Variants in R3HDM1 observed in about 807,000 individuals in gnomAD.
R3HDM1 encodes the protein R3H domain containing 1, also known as R3H domain-containing protein 1.
R3HDM1 carries 46 observed loss-of-function variants against 141.1 expected under a neutral mutation model. The ratio of observed to expected loss-of-function variants is 0.33; its 90% CI spans 0.26 to 0.42. R3HDM1 has a LOEUF of 0.42. R3HDM1 is among the 10% of genes least tolerant of loss of function. R3HDM1 has a pLI of 1.00. For missense variants in R3HDM1, 1,184 were observed against 1,368.3 expected (o/e 0.87, Z 2.12); for synonymous variants, 435 against 472.9 (o/e 0.92, Z 1.04).
intron 1 of R3HDM1, among the ~76,000 whole-genome samples, chr2:135,563,188 A>G (rs528279811): frequency 6.6e-6 from 1 of 152,342 alleles, no homozygotes; most frequent in South Asian, 2.1e-4. Flanking sequence ...AATCCTTAGC[A>G]TGGGGAATAA....
chr2:135,581,222 A>T, intron 1 of R3HDM1: 1 of 985,430 alleles, frequency 1.0e-6, no homozygotes, highest in Non-Finnish European at 1.2e-6. Flanking sequence ...GAGCCCAGAG[A>T]TACTGTATGA....
In R3HDM1 at chr2:135,541,868, A is replaced by AAAAG. The variant is rs1553518082; in HGVS notation, c.-250+10249_-250+10252dup. On this transcript the variant is annotated intron_variant, in intron 1 of 26. Coordinates refer to ENST00000683871, the MANE Select transcript of R3HDM1 (RefSeq NM_001378107.1). ...CAATTTGTTAAAAAAAAAAAAAAAA[A>AAAAG]AAAGAAAGAAAGAAAGAGAAAAGCA... Among the ~76,000 whole-genome samples the AAAAG allele has an allele frequency of 8.8e-3, 1,267 of 143,866 alleles. 8 individuals are homozygous for AAAAG. Among genetic ancestry groups the AAAAG allele is most frequent in the South Asian group, 0.026 (116 of 4,488 alleles). The allele number at this position is 143,866 out of a possible 152,430, so 94.4% of individuals were successfully genotyped here.
Position 135,649,909 on chromosome 2 carries a change from A to G in R3HDM1, c.1631A>G (p.His544Arg), listed in dbSNP as rs1446585. The change falls in exon 17 of 27, where the codon CAT becomes CGT. Residue 544 changes from histidine (H) to arginine (R), a missense_variant. By Grantham distance (29) the His-to-Arg change is conservative. This residue lies in a region of R3HDM1 where 563 missense variants were observed against 562.0 expected (regional missense o/e 1.00). Transcript: ENST00000683871. ...AANHIFSQPV[H>R]PLQSSSQPVQ... Reference sequence around the variant, plus strand: ...CAACCTGTTATTCTTTAGCCTGTTCATCCTCTGCAGTCCTCTTCACAGCCT... The same window carrying G: ...CAACCTGTTATTCTTTAGCCTGTTCGTCCTCTGCAGTCCTCTTCACAGCCT... The G allele has an allele frequency of 0.36, 455,264 of 1,259,270 alleles. 116,810 individuals are homozygous for G. Among genetic ancestry groups the G allele is most frequent in the East Asian group, 1 (16,780 of 16,826 alleles). The allele number at this position is 1,259,270 out of a possible 1,614,324, so 78.0% of individuals were successfully genotyped here.
At chr2:135,657,489 C>T (rs1486153692) in intron 18 of R3HDM1, among the ~76,000 whole-genome samples, 1 of 151,862 alleles carries the variant, frequency 6.6e-6, no homozygotes, top group Non-Finnish European at 1.5e-5. Context: ...TCTGATACCT[C>T]CAGGAACAGT....
intron 7 of R3HDM1, among the ~76,000 whole-genome samples, chr2:135,629,695 G>A (rs541631962): frequency 1.3e-5 from 2 of 152,268 alleles, no homozygotes; most frequent in African/African-American, 4.8e-5. Context: ...AATAAACCAG[G>A]ATGATAACAG....
intron 18 of R3HDM1, among the ~76,000 whole-genome samples, chr2:135,659,333 G>A (rs2066383193): frequency 6.6e-6 from 1 of 152,056 alleles, no homozygotes; most frequent in South Asian, 2.1e-4. Context: ...CTGAGCTCAA[G>A]TGATCCACCC....
chr2:135,717,226 G>A (rs1321029212), intron 24 of R3HDM1, among the ~76,000 whole-genome samples: 1 of 152,152 alleles, frequency 6.6e-6, no homozygotes, highest in Non-Finnish European at 1.5e-5. Flanking sequence ...GCTCACGCCT[G>A]TAATCTCAGC....
chr2:135,715,768 TTGGTAATATTGCC>T, intron 24 of R3HDM1, 74 bp downstream of exon 24: 1 of 1,505,222 alleles, frequency 6.6e-7, no homozygotes. Context: ...GTAATTTATC[TTGGTAATATTGCC>T]TTTCTATTTT....
At chr2:135,584,390 T>C in intron 1 of R3HDM1, 1 of 940,366 alleles carries the variant, frequency 1.1e-6, no homozygotes, top group Non-Finnish European at 1.3e-6. Context: ...AAGTTTTCAT[T>C]ACCTGACCTC....
At chr2:135,592,973 G>A (rs918133611) in intron 1 of R3HDM1, among the ~76,000 whole-genome samples, 2 of 151,878 alleles carry the variant, frequency 1.3e-5, no homozygotes, top group African/African-American at 2.4e-5. Context: ...AGGCTGGGGT[G>A]CAGTGGTGCC....
chr2:135,617,287 A>G (rs1191279462), intron 5 of R3HDM1, among the ~76,000 whole-genome samples: 2 of 152,064 alleles, frequency 1.3e-5, no homozygotes, highest in East Asian at 3.9e-4. Context: ...AGATCGCACC[A>G]CTGCACTCCA....
chr2:135,670,171 A>T, intron 19 of R3HDM1: 106 of 242,776 alleles, frequency 4.4e-4, no homozygotes, highest in Non-Finnish European at 6.4e-4. Flanking sequence ...AACAAAAAAG[A>T]TTAGCTTGTG....
At chr2:135,659,948 AG>A (rs2066476511) in intron 18 of R3HDM1, among the ~76,000 whole-genome samples, 1 of 152,172 alleles carries the variant, frequency 6.6e-6, no homozygotes, top group Non-Finnish European at 1.5e-5. Context: ...TTATAATCTT[AG>A]GGGGCCACCA....
chr2:135,664,450 A>G (rs1307335192), intron 19 of R3HDM1, among the ~76,000 whole-genome samples: 1 of 152,218 alleles, frequency 6.6e-6, no homozygotes, highest in Non-Finnish European at 1.5e-5. Flanking sequence ...CTGTGGCACA[A>G]GTAATGTTTA....
At chr2:135,570,364 A>G (rs1703832501) in intron 1 of R3HDM1, among the ~76,000 whole-genome samples, 1 of 152,188 alleles carries the variant, frequency 6.6e-6, no homozygotes, top group Non-Finnish European at 1.5e-5. Flanking sequence ...ATAAGCAAAT[A>G]TTGCCTTCTA....
In R3HDM1 at chr2:135,602,581, T is replaced by G. The variant is rs1460048577; in HGVS notation, c.-168T>G. 4 of 1,535,388 alleles carry G rather than the reference T, an allele frequency of 2.6e-6. No individual in the cohort carries two copies. The East Asian group carries it at 7.4e-5, about 29-fold the overall frequency. On this transcript the variant is annotated 5_prime_UTR_variant, in exon 2 of 27. Coordinates refer to ENST00000683871, the MANE Select transcript of R3HDM1 (RefSeq NM_001378107.1). ...TACAGTGGTGACAAGGACATGGGAC[T>G]CCTCCTGCCAGATTACAGATGGTTC... is the stretch of plus-strand genomic sequence containing the variant.
At chr2:135,704,034 G>A (rs760639335) in intron 21 of R3HDM1, among the ~76,000 whole-genome samples, 1 of 152,168 alleles carries the variant, frequency 6.6e-6, no homozygotes, top group African/African-American at 2.4e-5. Context: ...AGGCTGGAGT[G>A]CAGTGGTGTG....
chr2:135,548,707 C>A (rs969905634), intron 1 of R3HDM1, among the ~76,000 whole-genome samples: 7 of 152,042 alleles, frequency 4.6e-5, no homozygotes, highest in Non-Finnish European at 1.0e-4. Flanking sequence ...TTCTTCCATT[C>A]AACATGTTTT....
intron 21 of R3HDM1, among the ~76,000 whole-genome samples, chr2:135,681,981 C>A (rs145672557): frequency 6.6e-6 from 1 of 151,034 alleles, no homozygotes; most frequent in African/African-American, 2.4e-5. Context: ...GGTTAAATTT[C>A]GCATTTGTTG....
Sources: allele counts gnomAD v4.1 joint callset (sites outside exome capture counted in the v4.1 genomes callset), GRCh38; gene constraint gnomAD v4.1.1; regional missense constraint gnomAD v4.1.1; transcripts MANE v1.5; gene names NCBI Gene and HGNC (gene_info 2026-07-23, HGNC 2026-07-21).